The following CCBE1 variants were observed in gnomAD, a reference collection of about 807,000 sequenced individuals.
CCBE1 encodes collagen and calcium-binding EGF domain-containing protein 1.
Under a neutral mutation model 50.0 loss-of-function variants are expected in CCBE1, and 37 were observed. That is an observed-to-expected ratio of 0.74 (90% CI 0.57 to 0.97). CCBE1 has a LOEUF of 0.97. Among genes scored for constraint, CCBE1 ranks in the 50% least tolerant of loss-of-function variants. CCBE1 has a pLI of 0.00. For missense variants in CCBE1, 538 were observed against 523.8 expected (o/e 1.03, Z -0.26); for synonymous variants, 234 against 203.7 (o/e 1.15, Z -1.27).
At chr18:59,489,286 A>T (rs1005560674) in intron 2 of CCBE1, among the ~76,000 whole-genome samples, 2 of 152,256 alleles carry the variant, frequency 1.3e-5, no homozygotes, top group African/African-American at 4.8e-5. Flanking sequence ...TCTCCCTGGC[A>T]TATCAGTGTG....
intron 2 of CCBE1, among the ~76,000 whole-genome samples, chr18:59,648,867 C>T (rs1372284389): frequency 6.6e-6 from 1 of 152,204 alleles, no homozygotes; most frequent in East Asian, 1.9e-4. Flanking sequence ...CCTCTTTCAT[C>T]TCCTTGTATT....
chr18:59,450,596 C>A (rs1443870804), intron 6 of CCBE1, among the ~76,000 whole-genome samples: 1 of 152,216 alleles, frequency 6.6e-6, no homozygotes, highest in African/African-American at 2.4e-5. Flanking sequence ...TGCAGTGGTG[C>A]AATCTCAGTT....
At chr18:59,444,408 A>AT (rs1910581075) in intron 7 of CCBE1, among the ~76,000 whole-genome samples, 1 of 151,766 alleles carries the variant, frequency 6.6e-6, no homozygotes, top group South Asian at 2.1e-4. Flanking sequence ...GATATGTTTA[A>AT]TTTTTTGAGG....
intron 2 of CCBE1, among the ~76,000 whole-genome samples, chr18:59,490,961 G>C (rs1461266966): frequency 6.6e-6 from 1 of 152,112 alleles, no homozygotes; most frequent in Non-Finnish European, 1.5e-5. Context: ...TCTTACTCTG[G>C]AGGTCATTGT....
chr18:59,646,705 A>G (rs910856871), intron 2 of CCBE1, among the ~76,000 whole-genome samples: 19 of 152,238 alleles, frequency 1.2e-4, no homozygotes, highest in Admixed American at 3.3e-4. Context: ...ATCTCTCAGC[A>G]GAGACATGAC....
chr18:59,442,382 A>G (rs1910473054), intron 7 of CCBE1, among the ~76,000 whole-genome samples: 1 of 151,938 alleles, frequency 6.6e-6, no homozygotes, highest in African/African-American at 2.4e-5. Context: ...TGCACTGTAC[A>G]TGTATGTGTT....
intron 2 of CCBE1, among the ~76,000 whole-genome samples, chr18:59,662,794 T>C (rs575295750): frequency 1.3e-4 from 20 of 152,286 alleles, no homozygotes; most frequent in African/African-American, 4.6e-4. Flanking sequence ...AGGTAATACA[T>C]AAAAAGGTGC....
At chr18:59,628,557 C>T (rs765373175) in intron 2 of CCBE1, among the ~76,000 whole-genome samples, 2 of 152,188 alleles carry the variant, frequency 1.3e-5, no homozygotes, top group Non-Finnish European at 2.9e-5. Flanking sequence ...TTCCCTGTAA[C>T]CACCGCGATG....
chr18:59,438,063 T>C, intron 10 of CCBE1, 48 bp downstream of exon 10: 1 of 1,597,086 alleles, frequency 6.3e-7, no homozygotes. Flanking sequence ...CAGAGCTGCA[T>C]CCCTGAGAAC....
At chr18:59,526,537 C>T (rs1568187487) in intron 2 of CCBE1, among the ~76,000 whole-genome samples, 1 of 152,096 alleles carries the variant, frequency 6.6e-6, no homozygotes, top group South Asian at 2.1e-4. Context: ...TCTCGAACTC[C>T]TGACCTCGTG....
At chr18:59,471,316 T>G (rs987231331) in intron 3 of CCBE1, among the ~76,000 whole-genome samples, 1 of 152,248 alleles carries the variant, frequency 6.6e-6, no homozygotes, top group African/African-American at 2.4e-5. Context: ...ATTGCTTTAT[T>G]TTTATTTTAA....
chr18:59,696,765 A>C, intron 1 of CCBE1, 56 bp from the exon 2 acceptor site: 1 of 1,580,288 alleles, frequency 6.3e-7, no homozygotes, highest in Non-Finnish European at 8.7e-7. Flanking sequence ...GGAGGCGGGC[A>C]GCGCGCGCTG....
chr18:59,527,566 C>T (rs550223283), intron 2 of CCBE1, among the ~76,000 whole-genome samples: 7 of 152,176 alleles, frequency 4.6e-5, no homozygotes, highest in South Asian at 4.2e-4. Context: ...GACTTGTTGA[C>T]GTAGTTGCTT....
chr18:59,489,940 A>G (rs1913011893), intron 2 of CCBE1, among the ~76,000 whole-genome samples: 1 of 152,130 alleles, frequency 6.6e-6, no homozygotes, highest in African/African-American at 2.4e-5. Context: ...TGTAAAAAAT[A>G]AAATATGATT....
intron 2 of CCBE1, among the ~76,000 whole-genome samples, chr18:59,634,155 C>G (rs530620912): frequency 3.0e-4 from 45 of 152,098 alleles, no homozygotes; most frequent in Non-Finnish European, 5.6e-4. Context: ...AATCATTTTG[C>G]AAAATGGAAA....
intron 2 of CCBE1, among the ~76,000 whole-genome samples, chr18:59,542,417 C>G (rs886329663): frequency 1.9e-4 from 29 of 151,994 alleles, no homozygotes; most frequent in African/African-American, 5.6e-4. Flanking sequence ...TTTCTCAAAG[C>G]AAAGCTAAAG....
At chr18:59,537,709 C>G (rs984126609) in intron 2 of CCBE1, among the ~76,000 whole-genome samples, 2 of 152,172 alleles carry the variant, frequency 1.3e-5, no homozygotes, top group Non-Finnish European at 2.9e-5. Flanking sequence ...ATAAAGTGTA[C>G]AGCCTTCAAT....
upstream of CCBE1, chr18:59,697,449 G>A: frequency 7.0e-7 from 1 of 1,432,548 alleles, no homozygotes; most frequent in Non-Finnish European, 9.2e-7. Flanking sequence ...GGGCGCCGGA[G>A]AGCAGGGGCG....
rs1910761901 is a variant in CCBE1 at position 59,448,014 on chromosome 18, A to G, written c.744T>C (p.Pro248=). The G allele has an allele frequency of 1.2e-6, 2 of 1,614,094 alleles. No homozygotes were observed. The highest frequency in any genetic ancestry group is 2.7e-5 in the African/African-American group (2 of 74,942). ...GGCCCTGGCCCCCAGGCAGGCCAGG[A>G]GGTCCTGGAAGGTAGGTGTTTGAGG... is the stretch of plus-strand genomic sequence containing the variant. The part of the protein sequence containing the change: ...VLASNTYLPG[P]PGLPGGQGPP... The change falls in exon 7 of 11, where the codon CCT becomes CCC. Residue 248 remains proline, a synonymous_variant. Coordinates refer to ENST00000439986, the MANE Select transcript of CCBE1 (RefSeq NM_133459.4).
Sources: gnomAD v4.1 joint callset for allele counts (sites outside exome capture counted in the v4.1 genomes callset) on GRCh38, gnomAD v4.1.1 for gene constraint, MANE v1.5 for transcripts, NCBI Gene and HGNC (gene_info 2026-07-23, HGNC 2026-07-21) for gene names.